The following COL5A1 variants were observed in gnomAD, a reference collection of about 807,000 sequenced individuals.
The protein encoded by COL5A1 is collagen type V alpha 1 chain.
Under a neutral mutation model 263.7 loss-of-function variants are expected in COL5A1, and 16 were observed. The ratio of observed to expected loss-of-function variants is 0.06; its 90% CI spans 0.04 to 0.09. The LOEUF (loss-of-function observed/expected upper bound fraction) is 0.09. Among genes scored for constraint, COL5A1 ranks in the 10% least tolerant of loss-of-function variants. The pLI is 1.00. For synonymous variants in COL5A1, 1,012 were observed against 1,004.5 expected, an observed-to-expected ratio of 1.01 and a Z score of -0.14; for missense variants, 2,036 against 2,540.5, an observed-to-expected ratio of 0.80 and a Z score of 4.27.
intron 1 of COL5A1, among the ~76,000 whole-genome samples, chr9:134,689,579 T>C (rs1164569716): frequency 6.6e-6 from 1 of 152,200 alleles, no homozygotes; most frequent in Non-Finnish European, 1.5e-5. Flanking sequence ...AGGAGACAGT[T>C]GCCAGCAGCT....
At position 134,835,345 on chromosome 9, in the gene COL5A1, C is replaced by A. The variant is rs1839816453; in HGVS notation, c.5370+141C>A. On this transcript the variant is annotated intron_variant, in intron 65 of 65. Transcript: ENST00000371817. ...GGACCAGACTCTCGCCCCAGGCAGC[C>A]CCACAGTTGCAGGGAGACTAGGAAT... 6.9e-6 allele frequency: 5 copies of A among 728,482 alleles called. 1 individual carries two copies. In the South Asian group the frequency reaches 8.5e-5, roughly 12 times the overall value. 45.1% of individuals were successfully genotyped at this position (728,482 alleles called of 1,614,324 possible).
intron 52 of COL5A1, among the ~76,000 whole-genome samples, chr9:134,816,823 G>T (rs117950323): frequency 3.3e-5 from 5 of 152,332 alleles, no homozygotes; most frequent in Non-Finnish European, 7.4e-5. Flanking sequence ...CAGAAAACCC[G>T]CAGGATGGGA....
At chr9:134,756,986 C>T (rs997765114) in intron 17 of COL5A1, among the ~76,000 whole-genome samples, 168 bp downstream of exon 17, 6 of 152,164 alleles carry the variant, frequency 3.9e-5, no homozygotes, top group Non-Finnish European at 7.3e-5. Flanking sequence ...ATTTCGCCAG[C>T]AAGCGTGACA....
At chr9:134,738,560 G>A in intron 10 of COL5A1, 45 bp downstream of exon 10, 1 of 1,612,770 alleles carries the variant, frequency 6.2e-7, no homozygotes, top group Non-Finnish European at 8.5e-7. Context: ...GGTGCTCTTG[G>A]TGGGGTGGGG....
chr9:134,701,498 T>C (rs11103472), intron 4 of COL5A1, among the ~76,000 whole-genome samples, 165 bp downstream of exon 4: 7 of 152,064 alleles, frequency 4.6e-5, no homozygotes, highest in Admixed American at 1.3e-4. Flanking sequence ...TAAGAGATGT[T>C]TGTGGCTTTC....
Position 134,741,513 on chromosome 9 carries a change from CTTGGCAAAG to C in COL5A1, c.1494+2707_1494+2715del, listed in dbSNP as rs1272560120. Among the ~76,000 whole-genome samples, 1 of 151,962 alleles carries C rather than the reference CTTGGCAAAG, an allele frequency of 6.6e-6. No homozygotes were observed. Among genetic ancestry groups the C allele is most frequent in the Non-Finnish European group, 1.5e-5 (1 of 68,012 alleles). On this transcript the variant is annotated intron_variant, in intron 11 of 65. Transcript: ENST00000371817. The surrounding 1 kb of genome is among the most constrained non-coding windows in gnomAD (Gnocchi z 4.5). ...GGAACGAATGGAAGATTAAGGTTAT[CTTGGCAAAG>C]TCTGTTGATGCAGATTCACTGGGGG... is the stretch of plus-strand genomic sequence containing the variant.
intron 25 of COL5A1, among the ~76,000 whole-genome samples, chr9:134,772,475 T>C (rs1836896236): frequency 6.6e-6 from 1 of 152,240 alleles, no homozygotes; most frequent in South Asian, 2.1e-4. Flanking sequence ...GGAGCCACCG[T>C]GCAGGTCACC....
intron 28 of COL5A1, among the ~76,000 whole-genome samples, chr9:134,780,830 G>T (rs546630178): frequency 1.1e-4 from 16 of 152,244 alleles, no homozygotes; most frequent in South Asian, 6.2e-4. Context: ...CAAATCCAAG[G>T]CCCAGTTATG....
chr9:134,654,181 TG>T (rs1831810027), intron 1 of COL5A1, among the ~76,000 whole-genome samples: 3 of 130,080 alleles, frequency 2.3e-5, no homozygotes, highest in Non-Finnish European at 3.2e-5. Flanking sequence ...TGTATAGGGC[TG>T]GAGGTGTGTA....
rs1410454788 is a variant in COL5A1, at chr9:134,730,457, C to T, written c.1146C>T (p.Asp382=). 6.2e-7 allele frequency: 1 copy of T among 1,614,154 alleles called. No individual in the cohort carries two copies. Among genetic ancestry groups the T allele is most frequent in the East Asian group, 2.2e-5 (1 of 44,876 alleles). ...AGAEIPTSTA[D]TSNSSNPAPP... Reference sequence around the variant, plus strand: ...CCGAAATTCCCACCAGCACCGCCGACACCTCCAACTCCTCCAATGTAATTT... The same window carrying T: ...CCGAAATTCCCACCAGCACCGCCGATACCTCCAACTCCTCCAATGTAATTT... Residue 382 remains aspartate (D), a synonymous_variant, in exon 7 of 66, where the codon GAC becomes GAT. Coordinates refer to ENST00000371817, the MANE Select transcript of COL5A1 (RefSeq NM_000093.5).
intron 4 of COL5A1, among the ~76,000 whole-genome samples, chr9:134,720,341 G>T (rs538615301): frequency 6.6e-6 from 1 of 152,174 alleles, no homozygotes; most frequent in African/African-American, 2.4e-5. Flanking sequence ...TTTCCAGGCC[G>T]CCAGCACCTC....
rs1053104436 is a variant in COL5A1, at chr9:134,755,189, A to G, written c.1827+863A>G. On this transcript the variant is annotated intron_variant, in intron 16 of 65. Transcript: ENST00000371817. The surrounding 1 kb of genome is among the most constrained non-coding windows in gnomAD (Gnocchi z 4.1). ...ACAGAGGCCTGGGCTGGATAATTCC[A>G]GGAGGATTAGCAGCTCTGGAATCGA... Among the ~76,000 whole-genome samples the G allele has an allele frequency of 5.9e-5, 9 of 152,060 alleles. No homozygotes were observed. The highest frequency in any genetic ancestry group is 1.9e-4 in the African/African-American group (8 of 41,434).
chr9:134,753,191 C>T (rs1045156948), intron 14 of COL5A1, among the ~76,000 whole-genome samples: 2 of 152,170 alleles, frequency 1.3e-5, no homozygotes, highest in African/African-American at 4.8e-5. Flanking sequence ...AAGTGTGGGG[C>T]AGAACGCAGG....
At chr9:134,803,712 G>A (rs1039372032) in intron 39 of COL5A1, among the ~76,000 whole-genome samples, 6 of 152,140 alleles carry the variant, frequency 3.9e-5, no homozygotes, top group South Asian at 2.1e-4. Flanking sequence ...GTGTGGTGGC[G>A]GGCGCCTGTA....
intron 42 of COL5A1, among the ~76,000 whole-genome samples, chr9:134,808,731 CTT>C (rs1491497802): frequency 1.3e-5 from 2 of 152,150 alleles, no homozygotes; most frequent in African/African-American, 4.8e-5. Flanking sequence ...CATGCATGTC[CTT>C]GTGTGTGTGT....
chr9:134,732,444 C>T (rs775205583), intron 9 of COL5A1: 213 of 524,256 alleles, frequency 4.1e-4, no homozygotes, highest in South Asian at 5.7e-4. Flanking sequence ...TCAGAGCTAT[C>T]GAGGCGGAGG....
Position 134,688,843 on chromosome 9 carries a change from T to C in COL5A1, c.110-2069T>C, listed in dbSNP as rs188584619. 4.9e-3 allele frequency among the ~76,000 whole-genome samples: 754 copies of C among 152,330 alleles called. 2 individuals carry two copies. The highest frequency in any genetic ancestry group is 0.017 in the African/African-American group (721 of 41,582). ...CTTCAGAACCCTGGGACCTGGGTACTGTGGAGCCTTCCAGAGAACTGTGGA... is the reference window on the plus strand; with the variant it reads ...CTTCAGAACCCTGGGACCTGGGTACCGTGGAGCCTTCCAGAGAACTGTGGA... On this transcript the variant is annotated intron_variant, in intron 1 of 65. Coordinates refer to ENST00000371817, the MANE Select transcript of COL5A1 (RefSeq NM_000093.5).
At position 134,789,373 on chromosome 9, in the gene COL5A1, T is replaced by A. The variant is rs535349705; in HGVS notation, c.2700+165T>A. ...CTTGAACTTCAGCACCACGTGTTGG[T>A]GACACTCTCCAGACGCTGGGCTGGG... On this transcript the variant is annotated intron_variant, in intron 32 of 65. Transcript: ENST00000371817. The surrounding 1 kb of genome is among the most constrained non-coding windows in gnomAD (Gnocchi z 4.8). 6.6e-6 allele frequency among the ~76,000 whole-genome samples: 1 copy of A among 152,096 alleles called. No individual in the cohort carries two copies. The highest frequency in any genetic ancestry group is 1.5e-5 in the Non-Finnish European group (1 of 67,986).
chr9:134,662,142 C>CAAAAAAAAAA (rs34491867), intron 1 of COL5A1, among the ~76,000 whole-genome samples: 1 of 121,242 alleles, frequency 8.2e-6, no homozygotes, highest in Non-Finnish European at 1.7e-5. Flanking sequence ...ATATCTTGGC[C>CAAAAAAAAAA]AAAAAAAAAA....
Sources: allele counts gnomAD v4.1 joint callset (sites outside exome capture counted in the v4.1 genomes callset), GRCh38; gene constraint gnomAD v4.1.1; non-coding constraint Gnocchi (gnomAD v3.1); transcripts MANE v1.5; gene names NCBI Gene and HGNC (gene_info 2026-07-23, HGNC 2026-07-21).